The following DDAH1 variants were observed in gnomAD, a reference collection of about 807,000 sequenced individuals.
DDAH1 encodes the protein N(G),N(G)-dimethylarginine dimethylaminohydrolase 1.
A neutral mutation model predicts 28.8 loss-of-function variants in DDAH1; 19 were observed. That is an observed-to-expected ratio of 0.66 (90% CI 0.46 to 0.97). The LOEUF (loss-of-function observed/expected upper bound fraction) is 0.97, where lower values mean the gene tolerates loss of function less well. Ranked by LOEUF, DDAH1 falls within the 50% of genes least tolerant of loss-of-function variation. The pLI is 0.00. For missense variants in DDAH1, 326 were observed against 375.9 expected (o/e 0.87, Z 1.10); for synonymous variants, 153 against 154.4 (o/e 0.99, Z 0.07).
At chr1:85,533,664 C>A (rs1310292279) in intron 1 of DDAH1, among the ~76,000 whole-genome samples, 2 of 152,160 alleles carry the variant, frequency 1.3e-5, no homozygotes, top group East Asian at 3.9e-4. Flanking sequence ...GGAGGCTGTA[C>A]AAGAACAAAG....
chr1:85,380,361 G>T (rs1377385261), intron 1 of DDAH1: 2 of 152,070 alleles, frequency 1.3e-5, no homozygotes, highest in East Asian at 1.9e-4. Context: ...CCTTTCCACT[G>T]CTTTCTTCCT....
chr1:85,393,800 T>A (rs1651676501), intron 1 of DDAH1, among the ~76,000 whole-genome samples: 1 of 152,090 alleles, frequency 6.6e-6, no homozygotes, highest in African/African-American at 2.4e-5. Context: ...CACCTAAGAG[T>A]CATGTCTTTG....
Position 85,404,287 on chromosome 1 carries a change from C to T in DDAH1, c.304-45440G>A. 6 of 1,250,042 alleles carry T rather than the reference C, an allele frequency of 4.8e-6. No individual in the cohort carries two copies. In the Middle Eastern group the frequency reaches 9.4e-4, roughly 195 times the overall value. 77.4% of individuals were successfully genotyped at this position (1,250,042 alleles called of 1,614,324 possible). A position where few individuals can be genotyped will look rare whatever the true frequency, so the allele number is the denominator to read the frequency against. On this transcript the variant is annotated intron_variant, in intron 1 of 5. Transcript: ENST00000284031. The stretch of plus-strand genomic sequence containing the variant: ...AAGATGCCACCAGTTCATATTGACC[C>T]ATTATACATGAAACTTCTGCCTGTA...
intron 1 of DDAH1, among the ~76,000 whole-genome samples, chr1:85,453,975 A>G (rs966315116): frequency 6.6e-6 from 1 of 152,162 alleles, no homozygotes; most frequent in African/African-American, 2.4e-5. Flanking sequence ...CCCTACCCCA[A>G]GAGTGTCTGT....
At position 85,370,407 on chromosome 1, in the gene DDAH1, G is replaced by C. The variant is rs994640648; in HGVS notation, c.304-11560C>G. 7.2e-5 allele frequency among the ~76,000 whole-genome samples: 11 copies of C among 152,368 alleles called. No homozygotes were observed. In the East Asian group the frequency reaches 2.1e-3, roughly 29 times the overall value. ...TTACCAGATAAAGCTGGGGTTGCCA[G>C]ATGGGGTTAGCTGAACTTGGTAAAC... On this transcript the variant is annotated intron_variant, in intron 1 of 5. Transcript: ENST00000284031.
chr1:85,377,999 A>T (rs1650775362), intron 1 of DDAH1, among the ~76,000 whole-genome samples: 1 of 152,206 alleles, frequency 6.6e-6, no homozygotes, highest in South Asian at 2.1e-4. Context: ...AATATTTTAT[A>T]AGTGACTTAT....
chr1:85,468,190 C>T (rs961071963), upstream of DDAH1, among the ~76,000 whole-genome samples: 1 of 152,216 alleles, frequency 6.6e-6, no homozygotes, highest in African/African-American at 2.4e-5. Flanking sequence ...AGAAGCTTAT[C>T]TCTTGTTCAC....
chr1:85,404,342 AC>A, intron 1 of DDAH1: 1 of 1,530,260 alleles, frequency 6.5e-7, no homozygotes, highest in Non-Finnish European at 8.7e-7. Flanking sequence ...CTGAAAGACC[AC>A]ATTCTAGAAG....
chr1:85,345,120 C>T (rs1334091946), intron 4 of DDAH1, among the ~76,000 whole-genome samples: 2 of 152,142 alleles, frequency 1.3e-5, no homozygotes, highest in Admixed American at 6.5e-5. Context: ...CTTAAAATAA[C>T]TATTATTCTG....
At chr1:85,455,649 C>T (rs1021355867) in intron 1 of DDAH1, among the ~76,000 whole-genome samples, 1 of 152,146 alleles carries the variant, frequency 6.6e-6, no homozygotes, top group Non-Finnish European at 1.5e-5. Flanking sequence ...ATTTACTCTC[C>T]ATTTCTTCAG....
At chr1:85,548,161 A>T (rs1658681466) in intron 1 of DDAH1, among the ~76,000 whole-genome samples, 1 of 152,212 alleles carries the variant, frequency 6.6e-6, no homozygotes, top group South Asian at 2.1e-4. Flanking sequence ...CTTTAAAAGC[A>T]TTATGAATTT....
At chr1:85,469,114 G>C (rs1557666474), upstream of DDAH1, among the ~76,000 whole-genome samples, 1 of 152,164 alleles carries the variant, frequency 6.6e-6, no homozygotes, top group Non-Finnish European at 1.5e-5. Context: ...CATTCTTCTG[G>C]CTAAAATTCT....
intron 1 of DDAH1, among the ~76,000 whole-genome samples, chr1:85,377,908 A>G (rs1324313731): frequency 6.6e-6 from 1 of 152,178 alleles, no homozygotes; most frequent in Non-Finnish European, 1.5e-5. Flanking sequence ...TTTGATCTCT[A>G]ATTTCTGACA....
chr1:85,441,621 A>T (rs1217690913), intron 1 of DDAH1, among the ~76,000 whole-genome samples: 1 of 152,044 alleles, frequency 6.6e-6, no homozygotes, highest in African/African-American at 2.4e-5. Context: ...CTCTCAGATC[A>T]CTCAATTGCT....
chr1:85,505,175 C>T (rs1656970676), intron 1 of DDAH1, among the ~76,000 whole-genome samples: 1 of 151,694 alleles, frequency 6.6e-6, no homozygotes, highest in Non-Finnish European at 1.5e-5. Flanking sequence ...TTAGTAGAGA[C>T]AGAGTTGCAC....
chr1:85,556,660 A>G lies in DDAH1; in HGVS notation c.-123+21324T>C, dbSNP rs17127887. Among the ~76,000 whole-genome samples, 146 of 152,284 alleles carry G rather than the reference A, an allele frequency of 9.6e-4. 3 individuals are homozygous for G. The East Asian group carries it at 0.016, about 17-fold the overall frequency. On this transcript the variant is annotated intron_variant, in intron 1 of 6. Coordinates refer to the DDAH1 transcript ENST00000426972. The stretch of plus-strand genomic sequence containing the variant: ...GACATAATCATAAAGGAGATATAGG[A>G]TTTATTACTTTCAAGTTTCTTTCAG...
At chr1:85,397,374 AG>A (rs2100568239) in intron 1 of DDAH1, among the ~76,000 whole-genome samples, 1 of 152,372 alleles carries the variant, frequency 6.6e-6, no homozygotes, top group South Asian at 2.1e-4. Context: ...ACTCTAAGAA[AG>A]AAACTGGTAG....
chr1:85,365,748 A>C (rs1052779498), intron 1 of DDAH1, among the ~76,000 whole-genome samples: 5 of 152,164 alleles, frequency 3.3e-5, no homozygotes, highest in Admixed American at 3.3e-4. Context: ...TGCCCCCTTG[A>C]TGTACATGTC....
chr1:85,376,088 T>G (rs1473693678), intron 1 of DDAH1, among the ~76,000 whole-genome samples: 1 of 152,216 alleles, frequency 6.6e-6, no homozygotes, highest in African/African-American at 2.4e-5. Flanking sequence ...TCATTTATTC[T>G]GGGGTTCAAA....
Sources: allele counts gnomAD v4.1 joint callset (sites outside exome capture counted in the v4.1 genomes callset), GRCh38; gene constraint gnomAD v4.1.1; transcripts MANE v1.5; gene names NCBI Gene and HGNC (gene_info 2026-07-23, HGNC 2026-07-21).